The following COL23A1 variants were observed in gnomAD, a reference collection of about 807,000 sequenced individuals.
COL23A1 encodes collagen type XXIII alpha 1 chain.
In COL23A1, 97 loss-of-function variants were observed where a neutral mutation model predicts 99.3. The ratio of observed to expected loss-of-function variants is 0.98; its 90% CI spans 0.83 to 1.16. The LOEUF (loss-of-function observed/expected upper bound fraction) is 1.16, where lower values mean the gene tolerates loss of function less well. Among genes scored for constraint, COL23A1 ranks in the 50% most tolerant of loss-of-function variants. The probability of loss-of-function intolerance (pLI) is 0.00; values close to 1 mark genes in which losing one functional copy is unlikely to be tolerated. For synonymous variants in COL23A1, 320 were observed against 308.2 expected, an observed-to-expected ratio of 1.04 and a Z score of -0.40; for missense variants, 762 against 757.4, an observed-to-expected ratio of 1.01 and a Z score of -0.07.
chr5:178,559,744 A>G (rs1421790061), intron 2 of COL23A1, among the ~76,000 whole-genome samples: 1 of 147,870 alleles, frequency 6.8e-6, no homozygotes, highest in Non-Finnish European at 1.5e-5. Context: ...CTGCATGTCG[A>G]GAAGTCTGAG....
Position 178,307,920 on chromosome 5 carries a change from G to A in COL23A1, c.362-1001C>T, listed in dbSNP as rs545603353. ...CCTGCAAAAGCCAACCTCAAACCCC[G>A]TCAAGAATTTCCAGAACAACCACGA... On this transcript the variant is annotated intron_variant, in intron 2 of 28. Coordinates refer to ENST00000390654, the MANE Select transcript of COL23A1 (RefSeq NM_173465.4). This position sits in a 1 kb window ranked among gnomAD's most constrained non-coding sequence, Gnocchi z 4.2. 3.9e-5 allele frequency among the ~76,000 whole-genome samples: 6 copies of A among 152,264 alleles called. No homozygotes were observed. The South Asian group carries it at 1.0e-3, about 26-fold the overall frequency.
chr5:178,556,931 C>A (rs1411128498), intron 2 of COL23A1, among the ~76,000 whole-genome samples: 8 of 152,000 alleles, frequency 5.3e-5, no homozygotes, highest in Admixed American at 5.2e-4. Context: ...CCAGCCTGGG[C>A]AACAAGAGTG....
At chr5:178,278,818 C>T (rs188223226) in intron 5 of COL23A1, among the ~76,000 whole-genome samples, 88 of 152,296 alleles carry the variant, frequency 5.8e-4, no homozygotes, top group Admixed American at 4.6e-3. Flanking sequence ...GAGTGTGTTG[C>T]GGATGGAATG....
chr5:178,297,673 C>T (rs1285203197), intron 3 of COL23A1, among the ~76,000 whole-genome samples: 1 of 152,208 alleles, frequency 6.6e-6, no homozygotes, highest in Non-Finnish European at 1.5e-5. Context: ...TTTCTGTCAG[C>T]CCCCGGAAAG....
chr5:178,410,520 T>C lies in COL23A1; in HGVS notation c.362-103601A>G, dbSNP rs115448054. 5.1e-3 allele frequency among the ~76,000 whole-genome samples: 777 copies of C among 152,330 alleles called. 3 individuals carry two copies. Among genetic ancestry groups the C allele is most frequent in the African/African-American group, 0.017 (726 of 41,568 alleles). On this transcript the variant is annotated intron_variant, in intron 2 of 28. Transcript: ENST00000390654. The stretch of plus-strand genomic sequence containing the variant: ...AAACAGTGGGGCATTGGCATAAGGA[T>C]AGATATAGACCAATGGATAAATTGA...
At chr5:178,585,111 G>A (rs1763859548) in intron 1 of COL23A1, among the ~76,000 whole-genome samples, 2 of 152,268 alleles carry the variant, frequency 1.3e-5, no homozygotes, top group East Asian at 1.9e-4. Context: ...AGAGCCCCAG[G>A]GGAGGCAGAA....
At chr5:178,568,621 G>A (rs1269305516) in intron 1 of COL23A1, among the ~76,000 whole-genome samples, 1 of 152,158 alleles carries the variant, frequency 6.6e-6, no homozygotes, top group Non-Finnish European at 1.5e-5. Flanking sequence ...GCAACCACCA[G>A]TCTGCTTTGT....
At chr5:178,469,243 T>C (rs563088602) in intron 2 of COL23A1, among the ~76,000 whole-genome samples, 2 of 152,328 alleles carry the variant, frequency 1.3e-5, no homozygotes, top group East Asian at 3.9e-4. Flanking sequence ...CTCCGTGTTC[T>C]TCCTTTGGGG....
intron 2 of COL23A1, among the ~76,000 whole-genome samples, chr5:178,537,007 C>T (rs1427442069): frequency 2.0e-5 from 3 of 152,244 alleles, no homozygotes; most frequent in Non-Finnish European, 4.4e-5. Context: ...GACGGCTGCT[C>T]CTCTGCTCTT....
intron 2 of COL23A1, among the ~76,000 whole-genome samples, chr5:178,504,603 G>C (rs1758760804): frequency 6.6e-6 from 1 of 152,212 alleles, no homozygotes; most frequent in Admixed American, 6.5e-5. Flanking sequence ...AGTGGGTGTG[G>C]GGAAAGGGGA....
At chr5:178,278,401 A>AT (rs1455371048) in intron 5 of COL23A1, among the ~76,000 whole-genome samples, 2 of 152,122 alleles carry the variant, frequency 1.3e-5, no homozygotes, top group East Asian at 3.9e-4. Flanking sequence ...AATGCAAAGG[A>AT]TTTTTATAGA....
At chr5:178,391,329 A>G (rs1363588019) in intron 2 of COL23A1, among the ~76,000 whole-genome samples, 1 of 152,242 alleles carries the variant, frequency 6.6e-6, no homozygotes, top group Non-Finnish European at 1.5e-5. Flanking sequence ...GGCAGAAAAT[A>G]TTTGCAAATC....
At chr5:178,342,797 ACAAAC>A (rs1043636012) in intron 2 of COL23A1, among the ~76,000 whole-genome samples, 9 of 92,286 alleles carry the variant, frequency 9.8e-5, no homozygotes, top group Non-Finnish European at 2.4e-4. Flanking sequence ...GAAAAAAAAA[ACAAAC>A]AAACAGAAAA....
chr5:178,358,499 GTGTATA>G (rs1375391616), intron 2 of COL23A1, among the ~76,000 whole-genome samples: 2 of 113,732 alleles, frequency 1.8e-5, no homozygotes, highest in African/African-American at 6.0e-5. Context: ...GTGTGTATGC[GTGTATA>G]TGTGTGTATG....
At chr5:178,262,867 G>A (rs1314382161) in intron 9 of COL23A1, among the ~76,000 whole-genome samples, 1 of 152,096 alleles carries the variant, frequency 6.6e-6, no homozygotes, top group East Asian at 1.9e-4. Flanking sequence ...TCAGAGTTAG[G>A]GTCTGAATTG....
At chr5:178,539,342 T>C (rs1761153458) in intron 2 of COL23A1, among the ~76,000 whole-genome samples, 1 of 151,086 alleles carries the variant, frequency 6.6e-6, no homozygotes, top group Non-Finnish European at 1.5e-5. Context: ...AGGTCAGGAG[T>C]TCGAGACCAG....
intron 1 of COL23A1, among the ~76,000 whole-genome samples, chr5:178,584,511 T>C (rs765572931): frequency 6.6e-6 from 1 of 152,096 alleles, no homozygotes; most frequent in Non-Finnish European, 1.5e-5. Flanking sequence ...CCTGAATTCT[T>C]TGAAATTAAG....
chr5:178,347,950 G>A (rs961634461), intron 2 of COL23A1, among the ~76,000 whole-genome samples: 3 of 151,410 alleles, frequency 2.0e-5, no homozygotes, highest in African/African-American at 4.9e-5. Context: ...ATAGCCACAC[G>A]GACTAGTGAC....
At chr5:178,247,861 C>CCA in intron 20 of COL23A1, 30 bp from the exon 21 acceptor site, 1 of 1,597,248 alleles carries the variant, frequency 6.3e-7, no homozygotes, top group South Asian at 1.1e-5. Flanking sequence ...GGTTAGTCAC[C>CCA]CACCGCCTGT....
Sources: allele counts gnomAD v4.1 joint callset (sites outside exome capture counted in the v4.1 genomes callset), GRCh38; gene constraint gnomAD v4.1.1; non-coding constraint Gnocchi (gnomAD v3.1); transcripts MANE v1.5; gene names NCBI Gene and HGNC (gene_info 2026-07-23, HGNC 2026-07-21).